The following ZDHHC14 variants were observed in gnomAD, a reference collection of about 807,000 sequenced individuals.
ZDHHC14 encodes zDHHC palmitoyltransferase 14.
In ZDHHC14, 16 loss-of-function variants were observed where a neutral mutation model predicts 47.7. The ratio of observed to expected loss-of-function variants is 0.34; its 90% CI spans 0.23 to 0.51. The LOEUF is 0.51. Among genes scored for constraint, ZDHHC14 ranks in the 20% least tolerant of loss-of-function variants. ZDHHC14 has a pLI of 0.97. For missense variants in ZDHHC14, 515 were observed against 662.5 expected (o/e 0.78, Z 2.44); for synonymous variants, 293 against 278.9 (o/e 1.05, Z -0.50).
chr6:157,546,162 T>G (rs1457142154), intron 2 of ZDHHC14, among the ~76,000 whole-genome samples: 1 of 152,234 alleles, frequency 6.6e-6, no homozygotes. Context: ...TGCAGGCACC[T>G]GCAAGCTGGG....
chr6:157,433,814 G>A (rs1167499410), intron 1 of ZDHHC14, among the ~76,000 whole-genome samples: 1 of 152,200 alleles, frequency 6.6e-6, no homozygotes, highest in Non-Finnish European at 1.5e-5. Context: ...CAGTGACATG[G>A]CATGTGCTGT....
At chr6:157,603,218 T>C (rs1247712754) in intron 3 of ZDHHC14, among the ~76,000 whole-genome samples, 1 of 152,246 alleles carries the variant, frequency 6.6e-6, no homozygotes, top group Non-Finnish European at 1.5e-5. Flanking sequence ...GAAGCACTTA[T>C]GGAGTGGCTG....
chr6:157,580,390 T>A (rs1421774886), intron 2 of ZDHHC14, among the ~76,000 whole-genome samples: 8 of 152,204 alleles, frequency 5.3e-5, no homozygotes, highest in African/African-American at 1.9e-4. Flanking sequence ...TGGTTTTGTA[T>A]CAGGATGATG....
At chr6:157,493,180 G>A (rs1490604183) in intron 1 of ZDHHC14, among the ~76,000 whole-genome samples, 2 of 152,196 alleles carry the variant, frequency 1.3e-5, no homozygotes, top group African/African-American at 4.8e-5. Context: ...CATGAGATGT[G>A]GTCTAGGGAA....
intron 1 of ZDHHC14, among the ~76,000 whole-genome samples, chr6:157,410,425 C>T (rs1469736746): frequency 6.6e-6 from 1 of 152,108 alleles, no homozygotes; most frequent in Non-Finnish European, 1.5e-5. Flanking sequence ...AAAAATGATT[C>T]TGAATGAAAA....
chr6:157,667,467 A>G (rs530738154), intron 8 of ZDHHC14, among the ~76,000 whole-genome samples: 7 of 152,348 alleles, frequency 4.6e-5, no homozygotes, highest in African/African-American at 1.7e-4. Context: ...GAAACAAAGA[A>G]GAAAAAGAGA....
At chr6:157,561,839 T>C (rs1782718766) in intron 2 of ZDHHC14, among the ~76,000 whole-genome samples, 1 of 152,124 alleles carries the variant, frequency 6.6e-6, no homozygotes, top group Non-Finnish European at 1.5e-5. Flanking sequence ...TTGTATTTTT[T>C]GTAGATAAGT....
At chr6:157,657,585 C>G (rs1778159834) in intron 8 of ZDHHC14, among the ~76,000 whole-genome samples, 1 of 152,156 alleles carries the variant, frequency 6.6e-6, no homozygotes, top group African/African-American at 2.4e-5. Context: ...CCCATGGACC[C>G]CATGCTAAAG....
chr6:157,540,375 G>A lies in ZDHHC14; in HGVS notation c.246-2210G>A, dbSNP rs144993137. On this transcript the variant is annotated intron_variant, in intron 1 of 8. Coordinates refer to ENST00000359775, the MANE Select transcript of ZDHHC14 (RefSeq NM_024630.3). ...GAACTTGCTGTAAGAGCAAGAGGCA[G>A]CCTTTGCAACTTTGAGCAGGTGGAC... Among the ~76,000 whole-genome samples the A allele has an allele frequency of 2.0e-5, 3 of 152,322 alleles. No individual in the cohort carries two copies. In the East Asian group the frequency reaches 5.8e-4, roughly 29 times the overall value.
At position 157,382,400 on chromosome 6, in the gene ZDHHC14, C is replaced by T. The variant is rs1051428569; in HGVS notation, c.245+134C>T. On this transcript the variant is annotated intron_variant, in intron 1 of 8. Coordinates refer to ENST00000359775, the MANE Select transcript of ZDHHC14 (RefSeq NM_024630.3). ...GTTATATAATGCCAGTCTGCGCTCCCTCTTTTTTCTTTTAAAGGTCTGATT... is the reference window on the plus strand; with the variant it reads ...GTTATATAATGCCAGTCTGCGCTCCTTCTTTTTTCTTTTAAAGGTCTGATT... 2.0e-5 allele frequency: 22 copies of T among 1,110,796 alleles called. No individual in the cohort carries two copies. In the African/African-American group the frequency reaches 3.1e-4, roughly 16 times the overall value. 68.8% of individuals were successfully genotyped at this position (1,110,796 alleles called of 1,614,324 possible).
At chr6:157,613,341 C>G (rs969080670) in intron 3 of ZDHHC14, among the ~76,000 whole-genome samples, 5 of 152,172 alleles carry the variant, frequency 3.3e-5, no homozygotes, top group Admixed American at 3.3e-4. Context: ...TGCCTTGATA[C>G]TTTCTATTTT....
chr6:157,523,260 A>G (rs1486470001), intron 1 of ZDHHC14, among the ~76,000 whole-genome samples: 1 of 152,030 alleles, frequency 6.6e-6, no homozygotes, highest in African/African-American at 2.4e-5. Context: ...TTCAGGAGCC[A>G]TCTGCTTTGT....
intron 1 of ZDHHC14, among the ~76,000 whole-genome samples, chr6:157,465,617 A>G (rs1779193400): frequency 6.6e-6 from 1 of 151,754 alleles, no homozygotes; most frequent in South Asian, 2.1e-4. Flanking sequence ...AAAAAAAAAG[A>G]AATCTTCAAG....
intron 1 of ZDHHC14, among the ~76,000 whole-genome samples, chr6:157,517,846 G>A (rs1245285010): frequency 6.6e-6 from 1 of 152,226 alleles, no homozygotes; most frequent in African/African-American, 2.4e-5. Context: ...ACTAGATAGT[G>A]TTGTCACCTA....
chr6:157,393,142 G>T (rs972174160), intron 1 of ZDHHC14, among the ~76,000 whole-genome samples: 7 of 152,202 alleles, frequency 4.6e-5, no homozygotes, highest in African/African-American at 1.7e-4. Flanking sequence ...GCCTCTCAAA[G>T]TGCTGGAATT....
chr6:157,382,416 A>G, intron 1 of ZDHHC14, 150 bp downstream of exon 1: 1 of 1,024,030 alleles, frequency 9.8e-7, no homozygotes, highest in South Asian at 1.7e-5. Flanking sequence ...TTTCTTTTAA[A>G]GGTCTGATTG....
At chr6:157,643,984 T>C (rs1777390911) in intron 5 of ZDHHC14, among the ~76,000 whole-genome samples, 1 of 152,206 alleles carries the variant, frequency 6.6e-6, no homozygotes, top group Non-Finnish European at 1.5e-5. Context: ...TTCTTGATTC[T>C]TTTCTACCCT....
intron 3 of ZDHHC14, among the ~76,000 whole-genome samples, chr6:157,610,607 A>G (rs1053830019): frequency 7.2e-5 from 11 of 152,160 alleles, no homozygotes; most frequent in African/African-American, 2.2e-4. Context: ...GGGGCTACAC[A>G]TTCCAAGAAG....
intron 1 of ZDHHC14, among the ~76,000 whole-genome samples, chr6:157,515,348 T>C (rs903246031): frequency 6.6e-6 from 1 of 152,196 alleles, no homozygotes; most frequent in African/African-American, 2.4e-5. Flanking sequence ...ACTGATTGCA[T>C]TCCAGCTCAC....
Sources: allele counts gnomAD v4.1 joint callset (sites outside exome capture counted in the v4.1 genomes callset), GRCh38; gene constraint gnomAD v4.1.1; transcripts MANE v1.5; gene names NCBI Gene and HGNC (gene_info 2026-07-23, HGNC 2026-07-21).